Variants in CTNNA3 observed in about 807,000 individuals in gnomAD.
CTNNA3 encodes the protein catenin alpha 3.
Under a neutral mutation model 95.7 loss-of-function variants are expected in CTNNA3, and 76 were observed. The observed-to-expected ratio is 0.79, with a 90% CI of 0.66 to 0.96. The LOEUF (loss-of-function observed/expected upper bound fraction) is 0.96, where lower values mean the gene tolerates loss of function less well. Among genes scored for constraint, CTNNA3 ranks in the 40% least tolerant of loss-of-function variants. The pLI, the probability that CTNNA3 is intolerant of heterozygous loss-of-function variation, is 0.00. For synonymous variants in CTNNA3, 431 were observed against 374.4 expected (o/e 1.15, Z -1.74); for missense variants, 1,191 against 1,089.8 (o/e 1.09, Z -1.31).
intron 13 of CTNNA3, among the ~76,000 whole-genome samples, chr10:66,169,342 C>T (rs776169863): frequency 6.6e-6 from 1 of 152,156 alleles, no homozygotes; most frequent in African/African-American, 2.4e-5. Flanking sequence ...CCAGGTTGCT[C>T]TGAATGCCAT....
chr10:67,487,329 C>A (rs1848483355), intron 5 of CTNNA3, among the ~76,000 whole-genome samples: 1 of 151,860 alleles, frequency 6.6e-6, no homozygotes, highest in Non-Finnish European at 1.5e-5. Context: ...TCCTGATCAT[C>A]CTAGGATCAC....
intron 13 of CTNNA3, among the ~76,000 whole-genome samples, chr10:66,137,794 CA>C (rs983068449): frequency 2.6e-5 from 4 of 151,730 alleles, no homozygotes; most frequent in Non-Finnish European, 4.4e-5. Context: ...AAAAAATTTA[CA>C]AAAAAGTAAG....
chr10:67,535,017 A>T (rs1224999867), intron 4 of CTNNA3, among the ~76,000 whole-genome samples: 1 of 152,168 alleles, frequency 6.6e-6, no homozygotes. Flanking sequence ...AAAAGCAGGC[A>T]AGCAATGGTC....
At chr10:67,611,399 C>T (rs932149208) in intron 2 of CTNNA3, among the ~76,000 whole-genome samples, 5 of 152,064 alleles carry the variant, frequency 3.3e-5, no homozygotes, top group East Asian at 3.9e-4. Flanking sequence ...CTGCAAGCTC[C>T]GCCTCCCAGG....
chr10:66,927,424 A>G lies in CTNNA3; in HGVS notation c.1048-151900T>C. The stretch of plus-strand genomic sequence containing the variant: ...TTTACATTTACGGTCTAACTCCCTG[A>G]GAACCATCCCTGTGCGAATATTCCA... On this transcript the variant is annotated intron_variant, in intron 7 of 17. Transcript: ENST00000433211. The surrounding 1 kb of genome is among the most constrained non-coding windows in gnomAD (Gnocchi z 4.7). The G allele has an allele frequency of 6.2e-7, 1 of 1,614,134 alleles. No individual in the cohort carries two copies. Among genetic ancestry groups the G allele is most frequent in the Non-Finnish European group, 8.5e-7 (1 of 1,180,032 alleles).
chr10:66,541,041 T>C (rs1841832794), intron 10 of CTNNA3, among the ~76,000 whole-genome samples: 2 of 152,094 alleles, frequency 1.3e-5, no homozygotes, highest in African/African-American at 4.8e-5. Flanking sequence ...CTTTGAGTTT[T>C]TTTCTCTCAA....
chr10:66,598,588 T>C (rs1843807327), intron 10 of CTNNA3, among the ~76,000 whole-genome samples: 2 of 152,056 alleles, frequency 1.3e-5, no homozygotes, highest in South Asian at 2.1e-4. Context: ...ATATGAAGAA[T>C]CAGTTGAGTA....
At chr10:66,451,146 T>A (rs2093461236) in intron 11 of CTNNA3, among the ~76,000 whole-genome samples, 4 of 152,160 alleles carry the variant, frequency 2.6e-5, no homozygotes, top group Admixed American at 2.6e-4. Flanking sequence ...GTGATAGTCT[T>A]TAAGTAAATC....
intron 1 of CTNNA3, among the ~76,000 whole-genome samples, chr10:67,705,821 T>C (rs1431603008): frequency 1.3e-5 from 2 of 151,080 alleles, no homozygotes; most frequent in Non-Finnish European, 2.9e-5. Flanking sequence ...GGCTACATGC[T>C]CTTCCTCTCG....
At chr10:66,926,093 G>C (rs1847052374) in intron 7 of CTNNA3, 1 of 457,914 alleles carries the variant, frequency 2.2e-6, no homozygotes, top group African/African-American at 2.0e-5. Flanking sequence ...GCGTGTGCGC[G>C]GTACGGGGCT....
intron 14 of CTNNA3, among the ~76,000 whole-genome samples, chr10:66,070,495 G>A (rs2080412279): frequency 6.6e-6 from 1 of 152,036 alleles, no homozygotes; most frequent in Non-Finnish European, 1.5e-5. Context: ...GGTTCAACTG[G>A]TGCTTCTCTT....
chr10:66,414,798 T>C (rs2093133371), intron 11 of CTNNA3, among the ~76,000 whole-genome samples: 1 of 152,100 alleles, frequency 6.6e-6, no homozygotes, highest in Non-Finnish European at 1.5e-5. Flanking sequence ...GGGTATGGGA[T>C]GCCATCTTTA....
rs60290459 is a variant in CTNNA3, at chr10:67,139,299, ATT to A, written c.1047+41016_1047+41017del. On this transcript the variant is annotated intron_variant, in intron 7 of 17. Coordinates refer to ENST00000433211, the MANE Select transcript of CTNNA3 (RefSeq NM_013266.4). ...AGGCACATGCCACCACGCCCGGCTA[ATT>A]TTTTTTTTTTTTTTTTTTTGTATTT... 4.7e-3 allele frequency among the ~76,000 whole-genome samples: 557 copies of A among 117,884 alleles called. 1 individual carries two copies. The highest frequency in any genetic ancestry group is 0.018 in the Middle Eastern group (4 of 220). The allele number at this position is 117,884 out of a possible 152,430, so 77.3% of individuals were successfully genotyped here.
intron 9 of CTNNA3, among the ~76,000 whole-genome samples, chr10:66,700,006 G>GT (rs545040379): frequency 4.0e-5 from 6 of 151,132 alleles, no homozygotes; most frequent in African/African-American, 7.3e-5. Flanking sequence ...TTTTTGTTTT[G>GT]TTTTTTGCTA....
At chr10:66,115,347 T>A (rs2082284080) in intron 13 of CTNNA3, among the ~76,000 whole-genome samples, 1 of 152,196 alleles carries the variant, frequency 6.6e-6, no homozygotes, top group Non-Finnish European at 1.5e-5. Context: ...TATTTCCCTG[T>A]TTTGTATGGT....
chr10:66,574,433 T>C (rs1564542606), intron 10 of CTNNA3, among the ~76,000 whole-genome samples: 1 of 151,906 alleles, frequency 6.6e-6, no homozygotes, highest in Non-Finnish European at 1.5e-5. Context: ...GAATCAAAAG[T>C]ACCAATGAAA....
chr10:67,550,653 AAGAATAAAGAAATTTCTTTACCGT>A (rs1161223546), intron 3 of CTNNA3, among the ~76,000 whole-genome samples: 57 of 146,062 alleles, frequency 3.9e-4, no homozygotes, highest in African/African-American at 1.2e-3. Context: ...TCTTTTATTA[AAGAATAAAGAAATTTCTTTACCGT>A]AGAATAAAGA....
rs192727146 is a variant in CTNNA3, at chr10:66,027,937, A to C, written c.2160-39140T>G. Reference sequence around the variant, plus strand: ...CTTACACAAATGTTGACAATGACAGATTAAAGCATTTAGAGTCCTCCAGTT... The same window carrying C: ...CTTACACAAATGTTGACAATGACAGCTTAAAGCATTTAGAGTCCTCCAGTT... On this transcript the variant is annotated intron_variant, in intron 15 of 17. Coordinates refer to ENST00000433211, the MANE Select transcript of CTNNA3 (RefSeq NM_013266.4). Among the ~76,000 whole-genome samples the C allele has an allele frequency of 1.2e-3, 188 of 152,300 alleles. 1 individual carries two copies. The highest frequency in any genetic ancestry group is 4.3e-3 in the African/African-American group (179 of 41,568).
chr10:67,429,637 G>A (rs1846040304), intron 5 of CTNNA3, among the ~76,000 whole-genome samples: 1 of 151,878 alleles, frequency 6.6e-6, no homozygotes, highest in Non-Finnish European at 1.5e-5. Flanking sequence ...GCAACATCAA[G>A]AAAAAGTATA....
Sources: gnomAD v4.1 joint callset for allele counts (sites outside exome capture counted in the v4.1 genomes callset) on GRCh38, gnomAD v4.1.1 for gene constraint, Gnocchi (gnomAD v3.1) non-coding constraint, MANE v1.5 for transcripts, NCBI Gene and HGNC (gene_info 2026-07-23, HGNC 2026-07-21) for gene names.